The following KAZN variants were observed in gnomAD, a reference collection of about 807,000 sequenced individuals.
KAZN encodes kazrin, periplakin interacting protein.
Under a neutral mutation model 87.4 loss-of-function variants are expected in KAZN, and 40 were observed. The ratio of observed to expected loss-of-function variants is 0.46; its 90% CI spans 0.36 to 0.60. The LOEUF is 0.60. Among genes scored for constraint, KAZN ranks in the 20% least tolerant of loss-of-function variants. The pLI, the probability that KAZN is intolerant of heterozygous loss-of-function variation, is 0.00. For synonymous variants in KAZN, 466 were observed against 458.3 expected, an observed-to-expected ratio of 1.02 and a Z score of -0.22; for missense variants, 898 against 1,073.9, an observed-to-expected ratio of 0.84 and a Z score of 2.29.
intron 1 of KAZN, among the ~76,000 whole-genome samples, chr1:14,785,428 G>A (rs1645479746): frequency 6.6e-6 from 1 of 152,056 alleles, no homozygotes; most frequent in East Asian, 1.9e-4. Flanking sequence ...GAACAAATAT[G>A]GCGCCAAATC....
At chr1:14,695,664 C>A (rs1246549514) in intron 1 of KAZN, among the ~76,000 whole-genome samples, 1 of 151,718 alleles carries the variant, frequency 6.6e-6, no homozygotes, top group Non-Finnish European at 1.5e-5. Flanking sequence ...CACCACCATG[C>A]CTAGCTAATT....
chr1:14,411,639 G>C (rs1304567559), intron 2 of KAZN, among the ~76,000 whole-genome samples: 1 of 152,180 alleles, frequency 6.6e-6, no homozygotes, highest in Non-Finnish European at 1.5e-5. Flanking sequence ...CTTGCTGAAA[G>C]AGCTGCTTCT....
At chr1:14,419,571 C>T (rs966363351) in intron 2 of KAZN, among the ~76,000 whole-genome samples, 3 of 152,170 alleles carry the variant, frequency 2.0e-5, no homozygotes, top group African/African-American at 7.2e-5. Context: ...ACTTCAAGAA[C>T]GAAGCCGTGG....
In KAZN at chr1:14,714,797, G is replaced by GTTTT. The variant is rs537512664; in HGVS notation, c.226+115586_226+115589dup. 1.3e-3 allele frequency among the ~76,000 whole-genome samples: 159 copies of GTTTT among 120,560 alleles called. 1 individual carries two copies. Among genetic ancestry groups the GTTTT allele is most frequent in the African/African-American group, 4.8e-3 (148 of 31,124 alleles). The allele number at this position is 120,560 out of a possible 152,430, so 79.1% of individuals were successfully genotyped here. On this transcript the variant is annotated intron_variant, in intron 1 of 14. Transcript: ENST00000376030. ...TCTTTTTTCTTTTTCTTTTTTTTTT[G>GTTTT]TTTTTTTTTTTTTTTGAGACAGGTT...
At chr1:14,130,014 G>T (rs1018155511) in intron 1 of KAZN, among the ~76,000 whole-genome samples, 4 of 152,162 alleles carry the variant, frequency 2.6e-5, no homozygotes, top group African/African-American at 9.7e-5. Flanking sequence ...ATACAAGATA[G>T]AACATTTTAA....
At chr1:14,924,240 G>A in intron 1 of KAZN, 1 of 981,606 alleles carries the variant, frequency 1.0e-6, no homozygotes, top group Non-Finnish European at 1.2e-6. Context: ...GCCGCCGGCC[G>A]GGCGGGAGGC....
At chr1:14,920,025 T>C (rs1307230792) in intron 1 of KAZN, among the ~76,000 whole-genome samples, 1 of 152,132 alleles carries the variant, frequency 6.6e-6, no homozygotes, top group Non-Finnish European at 1.5e-5. Context: ...TGTCATTAAG[T>C]GATGCATGAC....
At chr1:13,917,929 A>G (rs1435429054) in intron 1 of KAZN, among the ~76,000 whole-genome samples, 2 of 152,150 alleles carry the variant, frequency 1.3e-5, no homozygotes, top group Non-Finnish European at 2.9e-5. Flanking sequence ...TAAGCCCACT[A>G]TTGGGACCTA....
intron 8 of KAZN, among the ~76,000 whole-genome samples, chr1:15,080,183 C>A (rs1160773091): frequency 6.6e-6 from 1 of 152,188 alleles, no homozygotes; most frequent in East Asian, 1.9e-4. Flanking sequence ...AAGCACAAGT[C>A]TAGGCCTTTG....
intron 1 of KAZN, among the ~76,000 whole-genome samples, chr1:13,912,762 C>T (rs1438882256): frequency 1.3e-5 from 2 of 152,114 alleles, no homozygotes; most frequent in Admixed American, 6.5e-5. Context: ...CAGCACCACA[C>T]CTGGCTAATT....
Position 14,377,686 on chromosome 1 carries a change from C to T in KAZN, c.249+197094C>T, listed in dbSNP as rs1571445851. ...ATGTCTGTTTAGGGCATGCAACTGACTTTTCTAGTATGGAAAGCCTGCTGC... is the reference window on the plus strand; with the variant it reads ...ATGTCTGTTTAGGGCATGCAACTGATTTTTCTAGTATGGAAAGCCTGCTGC... On this transcript the variant is annotated intron_variant, in intron 2 of 16. Transcript: ENST00000636203. 3.3e-5 allele frequency among the ~76,000 whole-genome samples: 5 copies of T among 152,320 alleles called. 1 individual carries two copies. Among genetic ancestry groups the T allele is most frequent in the Admixed American group, 3.3e-4 (5 of 15,308 alleles).
At chr1:14,394,680 T>C (rs1473020107) in intron 2 of KAZN, among the ~76,000 whole-genome samples, 2 of 152,252 alleles carry the variant, frequency 1.3e-5, no homozygotes, top group African/African-American at 4.8e-5. Flanking sequence ...ATTGTCATTC[T>C]TTCCCTCCAC....
At chr1:14,137,701 CTT>C (rs35819477) in intron 1 of KAZN, among the ~76,000 whole-genome samples, 1,632 of 65,002 alleles carry the variant, frequency 0.025, 7 homozygotes, top group Middle Eastern at 0.059. Context: ...AAATATAAGG[CTT>C]TTTTTTTTTT....
rs1646696860 is a variant in KAZN at position 14,820,139 on chromosome 1, T to C, written c.227-140545T>C. Among the ~76,000 whole-genome samples, 1 of 152,224 alleles carries C rather than the reference T, an allele frequency of 6.6e-6. No individual in the cohort carries two copies. The highest frequency in any genetic ancestry group is 1.5e-5 in the Non-Finnish European group (1 of 68,036). On this transcript the variant is annotated intron_variant, in intron 1 of 14. Transcript: ENST00000376030. This position sits in a 1 kb window ranked among gnomAD's most constrained non-coding sequence, Gnocchi z 4.1. Reference sequence around the variant, plus strand: ...TTATGAAAACAGTTTCCTGGGGCCCTTCCCAAATATGCAGATTCAGTAGGA... The same window carrying C: ...TTATGAAAACAGTTTCCTGGGGCCCCTCCCAAATATGCAGATTCAGTAGGA...
chr1:14,671,342 A>G (rs1171792538), intron 1 of KAZN, among the ~76,000 whole-genome samples: 1 of 152,270 alleles, frequency 6.6e-6, no homozygotes, highest in Non-Finnish European at 1.5e-5. Context: ...TGCCTGGCAC[A>G]TAGTAGGTGC....
At chr1:14,077,066 G>A (rs1033177141) in intron 1 of KAZN, among the ~76,000 whole-genome samples, 2 of 152,130 alleles carry the variant, frequency 1.3e-5, no homozygotes, top group Non-Finnish European at 2.9e-5. Context: ...TTCATCTCTG[G>A]AATGGGTCTC....
rs541192220 is a variant in KAZN at position 14,139,927 on chromosome 1, ATGTGTGTGTGTGTGTG to A, written c.92-40481_92-40466del. On this transcript the variant is annotated intron_variant, in intron 1 of 16. Coordinates refer to the KAZN transcript ENST00000636203. Reference sequence around the variant, plus strand: ...AGGAGGGAAAGGGGATTTGAGGTAAATGTGTGTGTGTGTGTGTGTGTGTGTGTGTGTGTGTGTGTGT... The same window carrying A: ...AGGAGGGAAAGGGGATTTGAGGTAAATGTGTGTGTGTGTGTGTGTGTGTGT... 1.8e-4 allele frequency among the ~76,000 whole-genome samples: 25 copies of A among 136,702 alleles called. 2 individuals carry two copies. The South Asian group carries it at 3.3e-3, about 18-fold the overall frequency. The allele number at this position is 136,702 out of a possible 152,430, so 89.7% of individuals were successfully genotyped here. A position where few individuals can be genotyped will look rare whatever the true frequency, so the allele number is the denominator to read the frequency against.
chr1:13,956,569 T>G (rs1227257691), intron 1 of KAZN, among the ~76,000 whole-genome samples: 1 of 152,146 alleles, frequency 6.6e-6, no homozygotes, highest in African/African-American at 2.4e-5. Context: ...TTTCTGGGCA[T>G]CCCTCCAGGA....
rs1270315066 is a variant in KAZN, at chr1:14,368,783, C to G, written c.249+188191C>G. ...TTTTTATAGTGTCTAAAGCAACTCA[C>G]TCAATTTACAGCCCTTTACTTGTTA... is the stretch of plus-strand genomic sequence containing the variant. On this transcript the variant is annotated intron_variant, in intron 2 of 16. Transcript: ENST00000636203. 2.0e-5 allele frequency among the ~76,000 whole-genome samples: 3 copies of G among 152,202 alleles called. No homozygotes were observed. In the East Asian group the frequency reaches 5.8e-4, roughly 29 times the overall value.
Sources: gnomAD v4.1 joint callset for allele counts (sites outside exome capture counted in the v4.1 genomes callset) on GRCh38, gnomAD v4.1.1 for gene constraint, Gnocchi (gnomAD v3.1) non-coding constraint, MANE v1.5 for transcripts, NCBI Gene and HGNC (gene_info 2026-07-23, HGNC 2026-07-21) for gene names.